Variants in AFG2A observed in about 807,000 individuals in gnomAD.
AFG2A encodes AAA ATPase AFG2A.
At chr4:122,943,260 G>A in the AFG2A span, among the ~76,000 whole-genome samples, 5 of 152,154 alleles carry the variant, frequency 3.3e-5, no homozygotes, top group Admixed American at 6.5e-5. Flanking sequence ...TTATTATTGT[G>A]TGGGCGTCTA....
the AFG2A span, chr4:122,935,982 A>G: frequency 2.3e-6 from 3 of 1,304,314 alleles, no homozygotes; most frequent in Non-Finnish European, 3.1e-6. Flanking sequence ...TGTTTGGAAA[A>G]TTCTTTTTGA....
At chr4:123,070,246 TA>T in the AFG2A span, among the ~76,000 whole-genome samples, 1 of 151,878 alleles carries the variant, frequency 6.6e-6, no homozygotes, top group African/African-American at 2.4e-5. Context: ...TTACAATGAC[TA>T]AAAATTAATA....
At chr4:123,279,515 A>G in the AFG2A span, among the ~76,000 whole-genome samples, 2 of 152,228 alleles carry the variant, frequency 1.3e-5, no homozygotes, top group Admixed American at 6.5e-5. Context: ...AAATTAGGAA[A>G]AGGTAAATTT....
At chr4:123,089,138 A>G in the AFG2A span, among the ~76,000 whole-genome samples, 2 of 152,198 alleles carry the variant, frequency 1.3e-5, no homozygotes, top group Non-Finnish European at 2.9e-5. Flanking sequence ...TGTGCATTTG[A>G]TTAGTGTGAG....
the AFG2A span, among the ~76,000 whole-genome samples, chr4:122,961,255 A>C: frequency 6.6e-6 from 1 of 152,232 alleles, no homozygotes; most frequent in Non-Finnish European, 1.5e-5. Context: ...ATTGATATTT[A>C]AACATTTTCT....
the AFG2A span, among the ~76,000 whole-genome samples, chr4:123,293,706 G>A: frequency 6.6e-6 from 1 of 152,200 alleles, no homozygotes; most frequent in African/African-American, 2.4e-5. Flanking sequence ...ACAAGGCAGT[G>A]CCCTCAAGAA....
chr4:123,189,808 G>GGT, the AFG2A span, among the ~76,000 whole-genome samples: 1 of 56,510 alleles, frequency 1.8e-5, no homozygotes, highest in Non-Finnish European at 3.9e-5. Flanking sequence ...AAGGTCATTT[G>GGT]CTTTTTTTTT....
At chr4:123,175,279 A>T in the AFG2A span, among the ~76,000 whole-genome samples, 8 of 152,328 alleles carry the variant, frequency 5.3e-5, no homozygotes, top group East Asian at 1.5e-3. Context: ...ATAAATATGT[A>T]GACCATAAGA....
the AFG2A span, among the ~76,000 whole-genome samples, chr4:123,287,441 C>T: frequency 1.3e-5 from 2 of 152,104 alleles, no homozygotes; most frequent in Non-Finnish European, 2.9e-5. Flanking sequence ...GTTCATCTGC[C>T]TAAGCAGTAT....
the AFG2A span, among the ~76,000 whole-genome samples, chr4:123,043,545 A>G: frequency 3.9e-3 from 599 of 152,340 alleles, 2 homozygotes; most frequent in African/African-American, 0.013. Context: ...ATCAAGTTCA[A>G]GATACTTTTG....
the AFG2A span, among the ~76,000 whole-genome samples, chr4:123,016,486 G>T: frequency 6.6e-6 from 1 of 151,232 alleles, no homozygotes; most frequent in South Asian, 2.1e-4. Context: ...CCCAGACGGG[G>T]TGGCGGGGCA....
the AFG2A span, among the ~76,000 whole-genome samples, chr4:122,937,297 C>A: frequency 6.6e-6 from 1 of 152,114 alleles, no homozygotes; most frequent in South Asian, 2.1e-4. Context: ...GTGATCCTCC[C>A]CCTGTAGCCT....
chr4:123,061,227 G>A, the AFG2A span, among the ~76,000 whole-genome samples: 4 of 152,054 alleles, frequency 2.6e-5, no homozygotes, highest in African/African-American at 9.7e-5. Flanking sequence ...CCTCCAAACT[G>A]TACCAACCTT....
the AFG2A span, among the ~76,000 whole-genome samples, chr4:123,276,501 C>T: frequency 1.3e-5 from 2 of 152,194 alleles, no homozygotes; most frequent in East Asian, 3.9e-4. Flanking sequence ...TCCCATTTGT[C>T]AATTTTTGTT....
At chr4:123,196,138 C>A in the AFG2A span, among the ~76,000 whole-genome samples, 1 of 147,528 alleles carries the variant, frequency 6.8e-6, no homozygotes, top group South Asian at 2.1e-4. Flanking sequence ...GTAGCTGGGA[C>A]TACAGGCGCC....
chr4:123,280,120 T>G, the AFG2A span, among the ~76,000 whole-genome samples: 1 of 152,176 alleles, frequency 6.6e-6, no homozygotes, highest in Non-Finnish European at 1.5e-5. Flanking sequence ...TTAGTAGACC[T>G]GGGTTCCAAT....
chr4:123,021,278 A>C, the AFG2A span, among the ~76,000 whole-genome samples: 2 of 133,606 alleles, frequency 1.5e-5, no homozygotes, highest in Admixed American at 1.5e-4. Flanking sequence ...TTCTTTTTTT[A>C]CCTTTTCCCT....
At chr4:123,174,371 A>G in the AFG2A span, among the ~76,000 whole-genome samples, 1 of 152,256 alleles carries the variant, frequency 6.6e-6, no homozygotes, top group East Asian at 1.9e-4. Context: ...GGTGGGGCAC[A>G]TAACAACATA....
At chr4:123,221,410 C>G in the AFG2A span, among the ~76,000 whole-genome samples, 2 of 152,156 alleles carry the variant, frequency 1.3e-5, no homozygotes, top group East Asian at 1.9e-4. Flanking sequence ...CAATCTTCCT[C>G]CCTCAGCCTC....
Sources: gnomAD v4.1 joint callset for allele counts (sites outside exome capture counted in the v4.1 genomes callset) on GRCh38, gnomAD v4.1.1 for gene constraint, MANE v1.5 for transcripts, NCBI Gene and HGNC (gene_info 2026-07-23, HGNC 2026-07-21) for gene names.